CAMK1D: variants seen among roughly 807,000 people sequenced by gnomAD.
CAMK1D encodes the protein calcium/calmodulin dependent protein kinase ID.
In CAMK1D, 9 loss-of-function variants were observed where a neutral mutation model predicts 47.7. The observed-to-expected ratio is 0.19, with a 90% confidence interval of 0.11 to 0.33. The LOEUF is 0.33. CAMK1D is among the 10% of genes least tolerant of loss of function. CAMK1D has a pLI of 1.00. For synonymous variants in CAMK1D, 184 were observed against 184.9 expected (o/e 0.99, Z 0.04); for missense variants, 291 against 488.7 (o/e 0.60, Z 3.81).
chr10:12,700,047 C>T (rs1833450231), intron 3 of CAMK1D, among the ~76,000 whole-genome samples: 1 of 152,002 alleles, frequency 6.6e-6, no homozygotes, highest in Non-Finnish European at 1.5e-5. Context: ...TACTCATTTT[C>T]CACGAACTTT....
chr10:12,655,099 A>G (rs1425537895), intron 2 of CAMK1D, among the ~76,000 whole-genome samples: 1 of 152,210 alleles, frequency 6.6e-6, no homozygotes, highest in East Asian at 1.9e-4. Context: ...TGGGTAATTT[A>G]TAGGAAAAGA....
chr10:12,382,517 T>C (rs1408988169), intron 1 of CAMK1D, among the ~76,000 whole-genome samples: 1 of 152,098 alleles, frequency 6.6e-6, no homozygotes, highest in Admixed American at 6.6e-5. Context: ...TTTAGAAAGA[T>C]TTTAGCTATA....
At chr10:12,545,731 CG>C (rs1836347081) in intron 1 of CAMK1D, among the ~76,000 whole-genome samples, 1 of 150,832 alleles carries the variant, frequency 6.6e-6, no homozygotes, top group Non-Finnish European at 1.5e-5. Flanking sequence ...ACCAGGGAGT[CG>C]GAGGTTGCAG....
At chr10:12,398,140 T>C (rs1839029611) in intron 1 of CAMK1D, among the ~76,000 whole-genome samples, 1 of 152,202 alleles carries the variant, frequency 6.6e-6, no homozygotes, top group Non-Finnish European at 1.5e-5. Context: ...CCACAGAGAT[T>C]TGATACCCAC....
At chr10:12,679,290 C>T (rs913230038) in intron 3 of CAMK1D, among the ~76,000 whole-genome samples, 1 of 152,194 alleles carries the variant, frequency 6.6e-6, no homozygotes, top group Non-Finnish European at 1.5e-5. Flanking sequence ...CATTAAGAGT[C>T]TGTTCATCCT....
chr10:12,510,290 C>T (rs1246139496), intron 1 of CAMK1D, among the ~76,000 whole-genome samples: 1 of 152,182 alleles, frequency 6.6e-6, no homozygotes, highest in Non-Finnish European at 1.5e-5. Flanking sequence ...GTGGCACATA[C>T]CTGTAATCCG....
At chr10:12,387,417 TTTATA>T (rs200844815) in intron 1 of CAMK1D, among the ~76,000 whole-genome samples, 3,989 of 48,224 alleles carry the variant, frequency 0.083, 189 homozygotes, top group Non-Finnish European at 0.13. Context: ...TTATATATAT[TTTATA>T]TATTTTATAT....
chr10:12,532,340 C>T (rs1371804674), intron 1 of CAMK1D, among the ~76,000 whole-genome samples: 10 of 149,822 alleles, frequency 6.7e-5, no homozygotes, highest in South Asian at 2.1e-4. Context: ...AGTGCAGTGG[C>T]GGGATCTCGG....
intron 1 of CAMK1D, among the ~76,000 whole-genome samples, chr10:12,477,467 T>C (rs1323297599): frequency 2.0e-5 from 3 of 152,112 alleles, no homozygotes; most frequent in Admixed American, 6.5e-5. Flanking sequence ...CCATCTGAGA[T>C]GACTGGGGAA....
intron 2 of CAMK1D, among the ~76,000 whole-genome samples, chr10:12,617,649 C>G (rs1441106214): frequency 6.6e-6 from 1 of 152,176 alleles, no homozygotes; most frequent in Non-Finnish European, 1.5e-5. Flanking sequence ...TGTCAACATC[C>G]CTAGTGGTGA....
chr10:12,626,255 A>G (rs148798197), intron 2 of CAMK1D, among the ~76,000 whole-genome samples: 65 of 152,290 alleles, frequency 4.3e-4, no homozygotes, highest in African/African-American at 1.5e-3. Flanking sequence ...ATTTAATAAC[A>G]TGAACATTCT....
intron 2 of CAMK1D, among the ~76,000 whole-genome samples, chr10:12,625,647 T>TTTTTTTTTTTTTTTTTTGAG (rs1554799416): frequency 5.4e-5 from 8 of 148,514 alleles, no homozygotes; most frequent in African/African-American, 2.0e-4. Flanking sequence ...CCCCATTTCT[T>TTTTTTTTTTTTTTTTTTGAG]ACTGTGTAAT....
chr10:12,370,285 C>T (rs979785250), intron 1 of CAMK1D, among the ~76,000 whole-genome samples: 3 of 152,090 alleles, frequency 2.0e-5, no homozygotes, highest in Non-Finnish European at 2.9e-5. Context: ...CACAGAAGTC[C>T]GGCACATACA....
intron 1 of CAMK1D, among the ~76,000 whole-genome samples, chr10:12,477,438 T>C (rs1833934635): frequency 6.6e-6 from 1 of 152,032 alleles, no homozygotes; most frequent in Admixed American, 6.5e-5. Context: ...ATTGTCCTCT[T>C]CATTGTTTAC....
intron 3 of CAMK1D, among the ~76,000 whole-genome samples, chr10:12,757,422 A>G (rs2130894272): frequency 6.6e-6 from 1 of 152,308 alleles, no homozygotes; most frequent in Admixed American, 6.5e-5. Context: ...TCAAACATGC[A>G]CACAGGAGGC....
chr10:12,538,054 T>C (rs1185668281), intron 1 of CAMK1D, among the ~76,000 whole-genome samples: 3 of 152,204 alleles, frequency 2.0e-5, no homozygotes, highest in Non-Finnish European at 4.4e-5. Context: ...TGTTCCATCT[T>C]TTCCTTTTTA....
chr10:12,725,328 C>T (rs1017360241), intron 3 of CAMK1D: 2 of 155,872 alleles, frequency 1.3e-5, no homozygotes, highest in African/African-American at 4.8e-5. Flanking sequence ...GCAAAAACCG[C>T]CATTACTTTT....
In CAMK1D at chr10:12,801,206, G is replaced by T. The variant is rs56194799; in HGVS notation, c.641+9973G>T. Reference sequence around the variant, plus strand: ...GATCACTATGTCACTGGAACTTTCAGATGTTACATCTCTAGTATCCATCCA... The same window carrying T: ...GATCACTATGTCACTGGAACTTTCATATGTTACATCTCTAGTATCCATCCA... On this transcript the variant is annotated intron_variant, in intron 6 of 10. Transcript: ENST00000619168. Among the ~76,000 whole-genome samples, 550 of 152,000 alleles carry T rather than the reference G, an allele frequency of 3.6e-3. 1 individual carries two copies. The highest frequency in any genetic ancestry group is 6.2e-3 in the Non-Finnish European group (424 of 67,974).
At chr10:12,617,229 TTAAC>T (rs1219339874) in intron 2 of CAMK1D, among the ~76,000 whole-genome samples, 4 of 152,202 alleles carry the variant, frequency 2.6e-5, no homozygotes, top group Non-Finnish European at 4.4e-5. Flanking sequence ...CTCTAGCTGA[TTAAC>T]TGGTGCTGTT....
Sources: allele counts gnomAD v4.1 joint callset (sites outside exome capture counted in the v4.1 genomes callset), GRCh38; gene constraint gnomAD v4.1.1; transcripts MANE v1.5; gene names NCBI Gene and HGNC (gene_info 2026-07-23, HGNC 2026-07-21).